Variants in SYTL3 observed in about 807,000 individuals in gnomAD.
SYTL3 encodes the protein synaptotagmin like 3.
A neutral mutation model predicts 82.1 loss-of-function variants in SYTL3; 88 were observed. That is an observed-to-expected ratio of 1.07 (90% CI 0.90 to 1.28). The LOEUF is 1.28. Among genes scored for constraint, SYTL3 ranks in the 50% most tolerant of loss-of-function variants. SYTL3 has a pLI of 0.00. For missense variants in SYTL3, 831 were observed against 757.6 expected (o/e 1.10, Z -1.14); for synonymous variants, 311 against 289.4 (o/e 1.07, Z -0.76).
intron 1 of SYTL3, among the ~76,000 whole-genome samples, chr6:158,650,447 G>A (rs28722961): frequency 0.2 from 30,444 of 151,588 alleles, 3,175 homozygotes; most frequent in African/African-American, 0.28. Context: ...TTACTATTTT[G>A]CTCTCTCTGA....
At chr6:158,701,796 G>A (rs963255732) in intron 6 of SYTL3, among the ~76,000 whole-genome samples, 7 of 151,944 alleles carry the variant, frequency 4.6e-5, no homozygotes, top group Non-Finnish European at 7.4e-5. Context: ...CTGGTAGGCC[G>A]AAATTGAGGT....
chr6:158,760,791 C>A, intron 15 of SYTL3, 46 bp downstream of exon 15: 1 of 1,485,498 alleles, frequency 6.7e-7, no homozygotes, highest in Non-Finnish European at 9.4e-7. Flanking sequence ...TCATTGTCTG[C>A]AGAGCCTGGT....
intron 6 of SYTL3, among the ~76,000 whole-genome samples, chr6:158,692,714 G>A (rs1368515902): frequency 6.6e-6 from 1 of 151,472 alleles, no homozygotes; most frequent in African/African-American, 2.4e-5. Context: ...AAGGAGGGCG[G>A]ATCACGAGAT....
intron 6 of SYTL3, among the ~76,000 whole-genome samples, chr6:158,701,539 A>G (rs1020282617): frequency 2.3e-3 from 93 of 40,348 alleles, no homozygotes; most frequent in Middle Eastern, 0.017. Flanking sequence ...GTAGATGAAG[A>G]GCTGTTCTGG....
intron 5 of SYTL3, among the ~76,000 whole-genome samples, chr6:158,678,685 G>A (rs926096705): frequency 1.3e-5 from 2 of 152,320 alleles, no homozygotes; most frequent in East Asian, 1.9e-4. Flanking sequence ...TAGGCATCCA[G>A]TGCTTGGCAT....
rs781321476 is a variant in SYTL3 at position 158,757,292 on chromosome 6, T to C, written c.1219T>C (p.Phe407Leu). The C allele has an allele frequency of 1.9e-6, 3 of 1,613,734 alleles. No individual in the cohort carries two copies. Among genetic ancestry groups the C allele is most frequent in the South Asian group, 2.2e-5 (2 of 91,052 alleles). Reference protein sequence around the residue: ...WHLGTLARRVFLGEVIIPLAT... With the variant: ...WHLGTLARRVLLGEVIIPLAT... ...TCTGGGCACGCTGGCCCGGAGAGTG[T>C]TTCTTGGAGAAGTGATCATTCCTCT... is the stretch of plus-strand genomic sequence containing the variant. The change falls in exon 14 of 18, where the codon TTT becomes CTT. Residue 407 changes from phenylalanine to leucine, a missense_variant. Phe to Leu is a conservative substitution (Grantham distance 22). Coordinates refer to ENST00000611299, the MANE Select transcript of SYTL3 (RefSeq NM_001242394.2).
chr6:158,760,801 T>A, intron 15 of SYTL3, 56 bp downstream of exon 15: 1 of 1,391,998 alleles, frequency 7.2e-7, no homozygotes, highest in Non-Finnish European at 1.0e-6. Context: ...CAGAGCCTGG[T>A]GCTGCAGGCA....
rs759729338 is a variant in SYTL3 at position 158,763,305 on chromosome 6, T to G, written c.1519T>G (p.Cys507Gly). 1.9e-6 allele frequency: 3 copies of G among 1,614,054 alleles called. No homozygotes were observed. The Admixed American group carries it at 5.0e-5, about 27-fold the overall frequency. The part of the protein sequence containing the change: ...DGTLNSFVKG[C>G]LTLPDQQKLR... Reference sequence around the variant, plus strand: ...GCAGGGTTTGTGTTCCCTCTTCAGCTGTCTCACTCTGCCAGACCAACAAAA... The same window carrying G: ...GCAGGGTTTGTGTTCCCTCTTCAGCGGTCTCACTCTGCCAGACCAACAAAA... Residue 507 changes from cysteine to glycine, a missense_variant and splice_region_variant, in exon 17 of 18, where the codon TGT becomes GGT. Cys to Gly is a radical substitution (Grantham distance 159). Transcript: ENST00000611299.
chr6:158,663,207 C>A lies in SYTL3; in HGVS notation c.-62C>A. On this transcript the variant is annotated 5_prime_UTR_variant, in exon 4 of 18. Coordinates refer to ENST00000611299, the MANE Select transcript of SYTL3 (RefSeq NM_001242394.2). The stretch of plus-strand genomic sequence containing the variant: ...TGGCCTCCGCCGCTCATCTGCAGGG[C>A]GTGAGCGCTTGGTCCATGCAGTGAA... The A allele has an allele frequency of 6.8e-7, 1 of 1,469,342 alleles. No homozygotes were observed. The highest frequency in any genetic ancestry group is 9.5e-7 in the Non-Finnish European group (1 of 1,051,380). The allele number at this position is 1,469,342 out of a possible 1,614,324, so 91.0% of individuals were successfully genotyped here.
chr6:158,757,225 T>C lies in SYTL3; in HGVS notation c.1152T>C (p.Pro384=). 1 of 1,609,346 alleles carries C rather than the reference T, an allele frequency of 6.2e-7. No individual in the cohort carries two copies. Among genetic ancestry groups the C allele is most frequent in the Non-Finnish European group, 8.5e-7 (1 of 1,179,740 alleles). ...FQETLKYQVA[P]AQLVTRQLQV... ...TGCCTCTGCAGTATCAGGTGGCCCC[T>C]GCCCAGCTGGTGACCCGGCAGCTGC... Residue 384 remains proline, a synonymous_variant, in exon 14 of 18, where the codon CCT becomes CCC. Coordinates refer to ENST00000611299, the MANE Select transcript of SYTL3 (RefSeq NM_001242394.2).
chr6:158,759,539 GTTGT>G (rs1396359989), intron 14 of SYTL3, among the ~76,000 whole-genome samples: 2 of 152,122 alleles, frequency 1.3e-5, no homozygotes, highest in African/African-American at 2.4e-5. Flanking sequence ...TTTGGTTGTT[GTTGT>G]TTATTTTGAG....
intron 11 of SYTL3, among the ~76,000 whole-genome samples, chr6:158,736,647 G>A (rs1163459809): frequency 6.6e-6 from 1 of 151,984 alleles, no homozygotes; most frequent in Non-Finnish European, 1.5e-5. Context: ...CATTAGCCAG[G>A]CATGGTGGCA....
chr6:158,650,463 CT>C, intron 1 of SYTL3, among the ~76,000 whole-genome samples: 1 of 151,796 alleles, frequency 6.6e-6, no homozygotes, highest in Non-Finnish European at 1.5e-5. Flanking sequence ...TCTGAATCGA[CT>C]TTATTGTTTT....
At chr6:158,743,533 C>T (rs566319594) in intron 11 of SYTL3, among the ~76,000 whole-genome samples, 1 of 150,042 alleles carries the variant, frequency 6.7e-6, no homozygotes, top group African/African-American at 2.5e-5. Flanking sequence ...CCAAGCTCCT[C>T]TGTCCATTCT....
At chr6:158,708,664 C>T (rs1782397139) in intron 8 of SYTL3, among the ~76,000 whole-genome samples, 2 of 152,194 alleles carry the variant, frequency 1.3e-5, no homozygotes, top group Non-Finnish European at 2.9e-5. Context: ...CATCGGCCCC[C>T]TTCCCCAACT....
In SYTL3 at chr6:158,682,957, A is replaced by G. The variant is rs751433652; in HGVS notation, c.362A>G (p.Tyr121Cys). The change falls in exon 6 of 18, where the codon TAT becomes TGT. Residue 121 changes from tyrosine to cysteine, a missense_variant. By Grantham distance (194) the Tyr-to-Cys change is radical. Coordinates refer to ENST00000611299, the MANE Select transcript of SYTL3 (RefSeq NM_001242394.2). Reference protein sequence around the residue: ...NVKIKTGEWFYEERAKKFPTG... With the variant: ...NVKIKTGEWFCEERAKKFPTG... ...AAAATAAAAACTGGAGAATGGTTCT[A>G]TGAGGAACGAGCCAAGAAATTTCCA... 1.2e-6 allele frequency: 2 copies of G among 1,613,692 alleles called. No homozygotes were observed. Among genetic ancestry groups the G allele is most frequent in the Non-Finnish European group, 1.7e-6 (2 of 1,179,620 alleles).
intron 11 of SYTL3, among the ~76,000 whole-genome samples, chr6:158,743,161 A>T (rs1787155404): frequency 6.6e-6 from 1 of 152,090 alleles, no homozygotes; most frequent in African/African-American, 2.4e-5. Context: ...AGCGGTAGTG[A>T]TTCAATGTGC....
intron 15 of SYTL3, 54 bp downstream of exon 15, chr6:158,760,799 G>GCAGA: frequency 7.0e-7 from 1 of 1,432,516 alleles, no homozygotes; most frequent in South Asian, 1.1e-5. Flanking sequence ...TGCAGAGCCT[G>GCAGA]GTGCTGCAGG....
chr6:158,707,304 C>T (rs758541648), intron 7 of SYTL3, 23 bp downstream of exon 7: 17 of 1,612,638 alleles, frequency 1.1e-5, no homozygotes, highest in South Asian at 2.2e-5. Flanking sequence ...AAGGACAGAC[C>T]GTCCCTGGCC....
Sources: allele counts gnomAD v4.1 joint callset (sites outside exome capture counted in the v4.1 genomes callset), GRCh38; gene constraint gnomAD v4.1.1; transcripts MANE v1.5; gene names NCBI Gene and HGNC (gene_info 2026-07-23, HGNC 2026-07-21).